Variants in LRRC9 observed in about 807,000 individuals in gnomAD.
LRRC9 encodes leucine rich repeat containing 9.
In LRRC9, 122 loss-of-function variants were observed where a neutral mutation model predicts 63.2. The ratio of observed to expected loss-of-function variants is 1.93; its 90% CI spans 1.67 to 2.24. The LOEUF (loss-of-function observed/expected upper bound fraction) is 2.24, where lower values mean the gene tolerates loss of function less well. Ranked by LOEUF, LRRC9 falls within the 30% of genes most tolerant of loss-of-function variation. The probability of loss-of-function intolerance (pLI) is 0.00; values close to 1 mark genes in which losing one functional copy is unlikely to be tolerated. For missense variants in LRRC9, 1,071 were observed against 627.7 expected (o/e 1.71, Z -7.55); for synonymous variants, 366 against 213.1 (o/e 1.72, Z -6.25).
chr14:59,954,350 T>C (rs1328267112), intron 8 of LRRC9, among the ~76,000 whole-genome samples: 2 of 152,202 alleles, frequency 1.3e-5, no homozygotes, highest in Non-Finnish European at 2.9e-5. Flanking sequence ...GAGCAGTGGT[T>C]TGTAGTTCTT....
At chr14:60,000,151 A>T (rs867083111) in intron 19 of LRRC9, among the ~76,000 whole-genome samples, 7 of 152,182 alleles carry the variant, frequency 4.6e-5, no homozygotes, top group Admixed American at 2.6e-4. Flanking sequence ...AGCAACATGG[A>T]TGCAGCTGGA....
At chr14:60,002,017 A>C in exon 20 of LRRC9, 1 of 701,612 alleles carries the variant, frequency 1.4e-6, no homozygotes, top group Non-Finnish European at 2.6e-6. Context: ...ACGGATACTT[A>C]GTATATGGCC....
At chr14:59,992,441 G>A (rs1029194392) in intron 17 of LRRC9, among the ~76,000 whole-genome samples, 23 of 152,152 alleles carry the variant, frequency 1.5e-4, no homozygotes, top group Admixed American at 7.2e-4. Context: ...CCTCACCAGC[G>A]ATGGAACAAA....
At chr14:59,960,861 T>C (rs1884279159) in intron 9 of LRRC9, 53 bp from the exon 10 acceptor site, 1 of 523,130 alleles carries the variant, frequency 1.9e-6, no homozygotes, top group Non-Finnish European at 3.4e-6. Context: ...TAAGTTTTAA[T>C]GTTGCGATTT....
Position 59,964,398 on chromosome 14 carries a change from A to G in LRRC9, c.1212-2191A>G, listed in dbSNP as rs1449644846. On this transcript the variant is annotated intron_variant, in intron 10 of 31. Coordinates refer to ENST00000445360, the Ensembl canonical transcript of LRRC9. This position sits in a 1 kb window ranked among gnomAD's most constrained non-coding sequence, Gnocchi z 4.4. ...TTTGTTTGTTCTGTTTCCTTCACCC[A>G]GAATGCTTTTGCATACCTCACACTT... Among the ~76,000 whole-genome samples the G allele has an allele frequency of 1.3e-5, 2 of 152,194 alleles. No homozygotes were observed. Among genetic ancestry groups the G allele is most frequent in the Admixed American group, 6.5e-5 (1 of 15,280 alleles).
chr14:60,001,015 C>T (rs761359489), intron 19 of LRRC9, among the ~76,000 whole-genome samples: 13 of 152,012 alleles, frequency 8.6e-5, no homozygotes. Context: ...AGAAAATGAA[C>T]ATTAAAAACA....
Position 59,990,291 on chromosome 14 carries a change from A to C in LRRC9, c.2211+5067A>C, listed in dbSNP as rs1157242060. ...GTTTCATTTTGAGTTTAGCCCCAAC[A>C]GTTTCTTCTATGAGAAGGATTCTGT... is the stretch of plus-strand genomic sequence containing the variant. On this transcript the variant is annotated intron_variant, in intron 17 of 31. Transcript: ENST00000445360. The surrounding 1 kb of genome is among the most constrained non-coding windows in gnomAD (Gnocchi z 4.2). 6.6e-6 allele frequency among the ~76,000 whole-genome samples: 1 copy of C among 152,122 alleles called. No homozygotes were observed. The highest frequency in any genetic ancestry group is 2.4e-5 in the African/African-American group (1 of 41,418).
intron 8 of LRRC9, among the ~76,000 whole-genome samples, chr14:59,953,191 G>C (rs984892684): frequency 5.9e-5 from 9 of 152,198 alleles, no homozygotes; most frequent in South Asian, 4.1e-4. Flanking sequence ...GGATTGCTGG[G>C]TCAAATGTTA....
At chr14:60,033,015 T>A (rs900217423) in intron 29 of LRRC9, among the ~76,000 whole-genome samples, 1 of 152,194 alleles carries the variant, frequency 6.6e-6, no homozygotes, top group Non-Finnish European at 1.5e-5. Flanking sequence ...ATTTATTTCA[T>A]GTCTTTGAAT....
chr14:59,962,830 CTA>C lies in LRRC9; in HGVS notation c.1211+1787_1211+1788del, dbSNP rs1341166265. On this transcript the variant is annotated intron_variant, in intron 10 of 31. Transcript: ENST00000445360. The surrounding 1 kb of genome is among the most constrained non-coding windows in gnomAD (Gnocchi z 5.1). The stretch of plus-strand genomic sequence containing the variant: ...AATGACCAAAAAGCCATTTAGATAA[CTA>C]TGTCAGCCTGATAGTAAATTAGATA... 3.3e-5 allele frequency among the ~76,000 whole-genome samples: 5 copies of C among 151,312 alleles called. No individual in the cohort carries two copies. The highest frequency in any genetic ancestry group is 1.2e-4 in the African/African-American group (5 of 41,184).
intron 12 of LRRC9, among the ~76,000 whole-genome samples, chr14:59,970,158 T>C (rs1048492900): frequency 1.3e-5 from 2 of 150,846 alleles, no homozygotes; most frequent in Non-Finnish European, 3.0e-5. Flanking sequence ...TGTTCCTCTT[T>C]ATGTGTTCAT....
rs572829296 is a variant in LRRC9, at chr14:59,962,528, C to T, written c.1211+1483C>T. ...AAGCGATTCTCCTGCCTCAGACTCC[C>T]GAGTAGCTAAGATTATAGGTGCATG... On this transcript the variant is annotated intron_variant, in intron 10 of 31. Transcript: ENST00000445360. The surrounding 1 kb of genome is among the most constrained non-coding windows in gnomAD (Gnocchi z 5.1). Among the ~76,000 whole-genome samples the T allele has an allele frequency of 5.9e-5, 9 of 151,978 alleles. No homozygotes were observed. The East Asian group carries it at 1.2e-3, about 20-fold the overall frequency.
intron 8 of LRRC9, 131 bp from the exon 9 acceptor site, chr14:59,959,687 A>G (rs1413184020): frequency 2.1e-6 from 1 of 485,950 alleles, no homozygotes; most frequent in Non-Finnish European, 3.6e-6. Context: ...TTTATTACCT[A>G]GATTTCCACT....
rs1291846582 is a variant in LRRC9 at position 59,990,013 on chromosome 14, C to T, written c.2211+4789C>T. Among the ~76,000 whole-genome samples the T allele has an allele frequency of 6.6e-6, 1 of 151,646 alleles. No homozygotes were observed. The highest frequency in any genetic ancestry group is 6.6e-5 in the Admixed American group (1 of 15,182). On this transcript the variant is annotated intron_variant, in intron 17 of 31. Coordinates refer to ENST00000445360, the Ensembl canonical transcript of LRRC9. This position sits in a 1 kb window ranked among gnomAD's most constrained non-coding sequence, Gnocchi z 4.2. ...CGCAATCTCGGCTCACCGCAACATC[C>T]ACCTCCTGGATTCAAGTAATTCTCC...
At chr14:60,014,822 T>G (rs1890545319) in intron 23 of LRRC9, among the ~76,000 whole-genome samples, 1 of 152,140 alleles carries the variant, frequency 6.6e-6, no homozygotes, top group Non-Finnish European at 1.5e-5. Context: ...TTTGGAAGAT[T>G]TTTGGTTATA....
chr14:59,991,520 T>G lies in LRRC9; in HGVS notation c.2212-6136T>G, dbSNP rs1594959314. ...GCGTGAGCCGAAGCATGGTGAGGCA[T>G]TGCCTCACCCAGGAAGTGCAAGGGG... is the stretch of plus-strand genomic sequence containing the variant. On this transcript the variant is annotated intron_variant, in intron 17 of 31. Transcript: ENST00000445360. Among the ~76,000 whole-genome samples the G allele has an allele frequency of 1.3e-5, 2 of 152,174 alleles. 1 individual carries two copies. Among genetic ancestry groups the G allele is most frequent in the East Asian group, 3.9e-4 (2 of 5,164 alleles).
intron 29 of LRRC9, among the ~76,000 whole-genome samples, chr14:60,052,579 C>T (rs1893975275): frequency 6.6e-6 from 1 of 152,184 alleles, no homozygotes; most frequent in Non-Finnish European, 1.5e-5. Flanking sequence ...ATACCTAAAA[C>T]CAGCAATAGC....
chr14:59,994,516 T>C (rs1220055709), intron 17 of LRRC9, among the ~76,000 whole-genome samples: 1 of 152,230 alleles, frequency 6.6e-6, no homozygotes, highest in Admixed American at 6.5e-5. Flanking sequence ...ACTGGGTATA[T>C]ACCCAAAGGA....
At position 60,007,016 on chromosome 14, in the gene LRRC9, A is replaced by G. The variant is rs139853060; in HGVS notation, c.3063+399A>G. Reference sequence around the variant, plus strand: ...CACTAATTTAAGGCTGTTGTGTAATAGGATTTACTAAAGGTTTGAACAAAA... The same window carrying G: ...CACTAATTTAAGGCTGTTGTGTAATGGGATTTACTAAAGGTTTGAACAAAA... On this transcript the variant is annotated intron_variant, in intron 22 of 31. Coordinates refer to ENST00000445360, the Ensembl canonical transcript of LRRC9. Among the ~76,000 whole-genome samples, 394 of 152,260 alleles carry G rather than the reference A, an allele frequency of 2.6e-3. 1 individual carries two copies. Among genetic ancestry groups the G allele is most frequent in the Admixed American group, 4.9e-3 (75 of 15,292 alleles).
Sources: allele counts gnomAD v4.1 joint callset (sites outside exome capture counted in the v4.1 genomes callset), GRCh38; gene constraint gnomAD v4.1.1; non-coding constraint Gnocchi (gnomAD v3.1); transcripts MANE v1.5; gene names NCBI Gene and HGNC (gene_info 2026-07-23, HGNC 2026-07-21).